Variants in PPM1E observed in about 807,000 individuals in gnomAD.
PPM1E encodes protein phosphatase, Mg2+/Mn2+ dependent 1E, also known as protein phosphatase 1E.
A neutral mutation model predicts 65.9 loss-of-function variants in PPM1E; 20 were observed. The ratio of observed to expected loss-of-function variants is 0.30; its 90% CI spans 0.21 to 0.44. The LOEUF (loss-of-function observed/expected upper bound fraction) is 0.44, where lower values mean the gene tolerates loss of function less well. Among genes scored for constraint, PPM1E ranks in the 20% least tolerant of loss-of-function variants. The probability of loss-of-function intolerance (pLI) is 1.00; values close to 1 mark genes in which losing one functional copy is unlikely to be tolerated. For missense variants in PPM1E, 713 were observed against 953.1 expected (o/e 0.75, Z 3.32); for synonymous variants, 352 against 374.9 (o/e 0.94, Z 0.70).
intron 1 of PPM1E, among the ~76,000 whole-genome samples, chr17:58,852,468 G>C (rs1261489137): frequency 6.6e-6 from 1 of 151,468 alleles, no homozygotes; most frequent in African/African-American, 2.4e-5. Flanking sequence ...GTTGTTTTCT[G>C]TTTTTCTGAT....
intron 1 of PPM1E, among the ~76,000 whole-genome samples, chr17:58,859,687 T>C (rs971880352): frequency 1.1e-4 from 16 of 152,204 alleles, no homozygotes; most frequent in African/African-American, 3.6e-4. Flanking sequence ...TTCAGTTGTG[T>C]GTTGACTCCA....
chr17:58,858,984 A>G (rs2050911404), intron 1 of PPM1E, among the ~76,000 whole-genome samples: 1 of 152,244 alleles, frequency 6.6e-6, no homozygotes, highest in Non-Finnish European at 1.5e-5. Flanking sequence ...AAATAATGCG[A>G]TTCAGAAAGT....
At chr17:58,892,383 G>C (rs1333289145) in intron 1 of PPM1E, among the ~76,000 whole-genome samples, 1 of 151,978 alleles carries the variant, frequency 6.6e-6, no homozygotes, top group African/African-American at 2.4e-5. Flanking sequence ...AGACCAGCTG[G>C]GCAAACATAG....
chr17:58,946,453 G>A (rs993761254), intron 1 of PPM1E, among the ~76,000 whole-genome samples: 4 of 152,242 alleles, frequency 2.6e-5, no homozygotes, highest in Non-Finnish European at 4.4e-5. Context: ...TTAGATATAT[G>A]ATTTGCAATT....
At chr17:58,774,101 G>T (rs1415715825) in intron 1 of PPM1E, among the ~76,000 whole-genome samples, 1 of 151,756 alleles carries the variant, frequency 6.6e-6, no homozygotes, top group African/African-American at 2.4e-5. Context: ...GGCAGATGTT[G>T]TAGTGAGCTG....
At chr17:58,826,106 T>C (rs1249336294) in intron 1 of PPM1E, among the ~76,000 whole-genome samples, 1 of 151,364 alleles carries the variant, frequency 6.6e-6, no homozygotes, top group Admixed American at 6.6e-5. Context: ...CCAGCCAACA[T>C]GGTGAAACCC....
intron 1 of PPM1E, among the ~76,000 whole-genome samples, chr17:58,866,527 A>C (rs1231878035): frequency 6.6e-6 from 1 of 152,260 alleles, no homozygotes; most frequent in Non-Finnish European, 1.5e-5. Flanking sequence ...CCTAAGGGTC[A>C]AAACCACTCT....
chr17:58,946,779 G>T (rs1419529688), intron 1 of PPM1E, among the ~76,000 whole-genome samples: 1 of 152,252 alleles, frequency 6.6e-6, no homozygotes, highest in Middle Eastern at 3.4e-3. Context: ...TCTATGGGTT[G>T]TCTTTTCACT....
chr17:58,770,102 A>T, intron 1 of PPM1E, among the ~76,000 whole-genome samples: 1 of 152,146 alleles, frequency 6.6e-6, no homozygotes, highest in Non-Finnish European at 1.5e-5. Flanking sequence ...ATTCTAAAAG[A>T]GTCATGGATT....
intron 4 of PPM1E, among the ~76,000 whole-genome samples, chr17:58,970,599 G>A (rs2030542817): frequency 6.6e-6 from 1 of 152,124 alleles, no homozygotes; most frequent in African/African-American, 2.4e-5. Flanking sequence ...AAGCAATAAT[G>A]GGGCTTAGAA....
chr17:58,774,693 T>C (rs1293966919), intron 1 of PPM1E, among the ~76,000 whole-genome samples: 1 of 152,190 alleles, frequency 6.6e-6, no homozygotes, highest in African/African-American at 2.4e-5. Flanking sequence ...TATATTGTTA[T>C]GTTTATTTGT....
intron 1 of PPM1E, among the ~76,000 whole-genome samples, chr17:58,795,811 G>A (rs978344212): frequency 2.6e-5 from 4 of 152,170 alleles, no homozygotes; most frequent in African/African-American, 9.7e-5. Context: ...TTTTTCATAT[G>A]TTTGCTGGGT....
At chr17:58,761,642 A>G (rs1047457891) in intron 1 of PPM1E, among the ~76,000 whole-genome samples, 1 of 151,926 alleles carries the variant, frequency 6.6e-6, no homozygotes, top group African/African-American at 2.4e-5. Flanking sequence ...TCCCAACACA[A>G]TCCAATTTCT....
intron 1 of PPM1E, among the ~76,000 whole-genome samples, chr17:58,926,930 T>C (rs932464404): frequency 1.3e-5 from 2 of 152,080 alleles, no homozygotes; most frequent in African/African-American, 2.4e-5. Context: ...CAAGTTCTTA[T>C]AGCATGAAAA....
chr17:58,970,117 A>T lies in PPM1E; in HGVS notation c.972+390A>T, dbSNP rs76383549. ...ACAATGGTCTAAAAAAGAAACAGAA[A>T]CTGGGATTACTTCCATACATTTGGT... On this transcript the variant is annotated intron_variant, in intron 4 of 6. Coordinates refer to ENST00000308249, the MANE Select transcript of PPM1E (RefSeq NM_014906.5). Among the ~76,000 whole-genome samples, 310 of 152,290 alleles carry T rather than the reference A, an allele frequency of 2.0e-3. 3 individuals are homozygous for T. Among genetic ancestry groups the T allele is most frequent in the Non-Finnish European group, 3.2e-4 (22 of 68,018 alleles).
intron 1 of PPM1E, among the ~76,000 whole-genome samples, chr17:58,872,035 C>T (rs367750001): frequency 1.3e-5 from 2 of 152,156 alleles, no homozygotes; most frequent in Non-Finnish European, 2.9e-5. Flanking sequence ...TGGTGGCTCA[C>T]GCCTGTAATC....
intron 1 of PPM1E, among the ~76,000 whole-genome samples, chr17:58,903,983 A>G (rs1010126081): frequency 6.6e-6 from 1 of 152,220 alleles, no homozygotes; most frequent in Non-Finnish European, 1.5e-5. Flanking sequence ...TGATAGTGTT[A>G]TTACTTTTAC....
At chr17:58,816,228 A>G (rs576836343) in intron 1 of PPM1E, among the ~76,000 whole-genome samples, 10 of 151,578 alleles carry the variant, frequency 6.6e-5, no homozygotes, top group Admixed American at 1.3e-4. Context: ...GTTTTACCAT[A>G]TTGGCCAGGC....
At chr17:58,854,324 G>A (rs1337268058) in intron 1 of PPM1E, among the ~76,000 whole-genome samples, 1 of 151,744 alleles carries the variant, frequency 6.6e-6, no homozygotes, top group African/African-American at 2.4e-5. Flanking sequence ...TAATCTTTAG[G>A]GTTTTCTACA....
Sources: allele counts gnomAD v4.1 joint callset (sites outside exome capture counted in the v4.1 genomes callset), GRCh38; gene constraint gnomAD v4.1.1; transcripts MANE v1.5; gene names NCBI Gene and HGNC (gene_info 2026-07-23, HGNC 2026-07-21).